RPL30: variants seen among roughly 807,000 people sequenced by gnomAD.
RPL30 encodes the protein large ribosomal subunit protein eL30.
For missense variants in RPL30, 60 were observed against 138.0 expected (o/e 0.43, Z 2.83); for synonymous variants, 40 against 50.4 (o/e 0.79, Z 0.87).
In RPL30 at chr8:98,045,005, C is replaced by T. The variant is rs1814450063; in HGVS notation, c.105G>A (p.Leu35=). 1 of 1,614,160 alleles carries T rather than the reference C, an allele frequency of 6.2e-7. No homozygotes were observed. The highest frequency in any genetic ancestry group is 1.1e-5 in the South Asian group (1 of 91,086). The part of the protein sequence containing the change: ...GKYVLGYKQT[L]KMIRQGKAKL... ...TCGCTTTGCCTTGTCTGATCATCTT[C>T]AGAGTCTGCTTGTACCCCAGGACGT... is the stretch of plus-strand genomic sequence containing the variant. The change falls in exon 3 of 5, where the codon CTG becomes CTA. Residue 35 remains leucine, a synonymous_variant. Transcript: ENST00000287038.
intron 4 of RPL30, chr8:98,042,351 A>C: frequency 2.3e-6 from 1 of 427,774 alleles, no homozygotes. Context: ...TTGCCAGATT[A>C]TTCTCTCCTT....
intron 4 of RPL30, 63 bp from the exon 5 acceptor site, chr8:98,041,913 A>C (rs1814383102): frequency 8.3e-7 from 1 of 1,198,670 alleles, no homozygotes; most frequent in South Asian, 1.3e-5. Context: ...TGGTACCATA[A>C]AATTTCTCTA....
rs1437290900 is a variant in RPL30 at position 98,044,930 on chromosome 8, T to G, written c.167+13A>C. Reference sequence around the variant, plus strand: ...TTCGCGGTAGGCGAAGCCCGTTCAGTCTCTTCGATTACCTCAAAGCTGGGC... The same window carrying G: ...TTCGCGGTAGGCGAAGCCCGTTCAGGCTCTTCGATTACCTCAAAGCTGGGC... On this transcript the variant is annotated intron_variant, in intron 3 of 4. Transcript: ENST00000287038. The G allele has an allele frequency of 3.7e-6, 6 of 1,608,236 alleles. No individual in the cohort carries two copies. Among genetic ancestry groups the G allele is most frequent in the Non-Finnish European group, 5.1e-6 (6 of 1,176,638 alleles).
chr8:98,044,286 C>T (rs1004864806), intron 3 of RPL30: 5 of 152,274 alleles, frequency 3.3e-5, no homozygotes, highest in Admixed American at 3.3e-4. Flanking sequence ...AAGCCGAACC[C>T]ATGGGACAAG....
chr8:98,042,454 A>T (rs1274878829), intron 4 of RPL30, 191 bp downstream of exon 4: 1 of 562,604 alleles, frequency 1.8e-6, no homozygotes, highest in Non-Finnish European at 3.1e-6. Context: ...TTAACTTATA[A>T]TAAAGCCAAT....
chr8:98,044,911 G>T (rs1454269557), intron 3 of RPL30, 32 bp downstream of exon 3: 1 of 1,604,252 alleles, frequency 6.2e-7, no homozygotes, highest in East Asian at 2.2e-5. Context: ...TGAATTCGCG[G>T]TAGGCGAAGC....
At chr8:98,042,542 C>T in intron 4 of RPL30, 103 bp downstream of exon 4, 1 of 1,132,776 alleles carries the variant, frequency 8.8e-7, no homozygotes, top group Admixed American at 2.2e-5. Flanking sequence ...CATATTCTAT[C>T]TGAATTTAGG....
At chr8:98,044,010 G>A (rs1345808980) in intron 3 of RPL30, 1 of 152,320 alleles carries the variant, frequency 6.6e-6, no homozygotes, top group Non-Finnish European at 1.5e-5. Context: ...CTACTCGGGA[G>A]GGTGAGGCAG....
Position 98,045,080 on chromosome 8 carries a change from C to A in RPL30, c.30G>T (p.Ser10=), listed in dbSNP as rs139147126. The A allele has an allele frequency of 2.0e-5, 32 of 1,613,596 alleles. No homozygotes were observed. The African/African-American group carries it at 3.7e-4, about 19-fold the overall frequency. MVAAKKTKK[S]LESINSRLQL... is the part of the protein sequence containing the mutation. ...GGAGCCTAGAGTTGATCGACTCCAG[C>A]GACTTTTTCTACAAAGCAAACATTA... Residue 10 remains serine, a synonymous_variant, in exon 3 of 5, where the codon TCG becomes TCT. Transcript: ENST00000287038.
intron 3 of RPL30, chr8:98,043,083 G>A (rs560937548): frequency 1.2e-4 from 22 of 190,360 alleles, no homozygotes; most frequent in Non-Finnish European, 1.7e-4. Context: ...CATTAGTAAG[G>A]ACCACATACT....
intron 4 of RPL30, 194 bp from the exon 5 acceptor site, chr8:98,042,044 A>G (rs1167430687): frequency 4.2e-6 from 3 of 716,732 alleles, no homozygotes; most frequent in Non-Finnish European, 7.6e-6. Context: ...CTAGAATCAC[A>G]GCCATTATAT....
chr8:98,045,374 G>C lies in RPL30; in HGVS notation c.-7C>G. On this transcript the variant is annotated 5_prime_UTR_variant, in exon 2 of 5. Coordinates refer to ENST00000287038, the MANE Select transcript of RPL30 (RefSeq NM_000989.4). ...TCTTCTTTGCGGCCACCATCTTCCTGCCTTAGGAGCGGGACGGCCCCCAAC... is the reference window on the plus strand; with the variant it reads ...TCTTCTTTGCGGCCACCATCTTCCTCCCTTAGGAGCGGGACGGCCCCCAAC... The C allele has an allele frequency of 1.9e-6, 3 of 1,614,150 alleles. No individual in the cohort carries two copies. The highest frequency in any genetic ancestry group is 2.5e-6 in the Non-Finnish European group (3 of 1,180,018).
intron 3 of RPL30, 165 bp downstream of exon 3, chr8:98,044,778 G>A: frequency 1.4e-6 from 1 of 693,090 alleles, no homozygotes; most frequent in Non-Finnish European, 2.4e-6. Flanking sequence ...CACGATTTGG[G>A]GGTGGGTCGG....
At position 98,041,726 on chromosome 8, in the gene RPL30, A is replaced by T; in HGVS notation, c.*75T>A. The T allele has an allele frequency of 1.0e-6, 1 of 981,338 alleles. No individual in the cohort carries two copies. Among genetic ancestry groups the T allele is most frequent in the Non-Finnish European group, 1.6e-6 (1 of 626,030 alleles). 60.8% of individuals were successfully genotyped at this position (981,338 alleles called of 1,614,324 possible). A position where few individuals can be genotyped will look rare whatever the true frequency, so the allele number is the denominator to read the frequency against. ...ATACTGAAATAGATACAATGTTTTT[A>T]AAACAAGCAAATTTTATTAAAGGAA... On this transcript the variant is annotated 3_prime_UTR_variant, in exon 5 of 5. Transcript: ENST00000287038.
At chr8:98,042,260 G>A (rs965470950) in intron 4 of RPL30, 2 of 508,826 alleles carry the variant, frequency 3.9e-6, no homozygotes, top group Non-Finnish European at 7.5e-6. Flanking sequence ...ACAGAATGAT[G>A]TAGATTTTTT....
At chr8:98,044,440 C>G (rs183809516) in intron 3 of RPL30, 1 of 154,600 alleles carries the variant, frequency 6.5e-6, no homozygotes, top group South Asian at 1.9e-4. Context: ...TTTACAACAC[C>G]CCCTAAGTTC....
In RPL30 at chr8:98,043,076, T is replaced by C. The variant is rs114368687; in HGVS notation, c.168-301A>G. 1,671 of 205,098 alleles carry C rather than the reference T, an allele frequency of 8.1e-3. 18 individuals carry two copies. The highest frequency in any genetic ancestry group is 0.036 in the African/African-American group (1,540 of 43,228). 12.7% of individuals were successfully genotyped at this position (205,098 alleles called of 1,614,324 possible). ...AAGAAAGCAAAGCATTATCTAGCATTAGTAAGGACCACATACTTTATATTT... is the reference window on the plus strand; with the variant it reads ...AAGAAAGCAAAGCATTATCTAGCATCAGTAAGGACCACATACTTTATATTT... On this transcript the variant is annotated intron_variant, in intron 3 of 4. Coordinates refer to ENST00000287038, the MANE Select transcript of RPL30 (RefSeq NM_000989.4).
In RPL30 at chr8:98,041,777, G is replaced by A. The variant is rs1222504746; in HGVS notation, c.*24C>T. The A allele has an allele frequency of 1.3e-6, 2 of 1,565,968 alleles. No homozygotes were observed. Among genetic ancestry groups the A allele is most frequent in the African/African-American group, 1.4e-5 (1 of 73,010 alleles). On this transcript the variant is annotated 3_prime_UTR_variant, in exon 5 of 5. Coordinates refer to ENST00000287038, the MANE Select transcript of RPL30 (RefSeq NM_000989.4). ...AATTTTGCAGGTTTAAGGTTTGCAG[G>A]TGAAATTTTGTAGGTGAAAAGGTTT...
At chr8:98,044,656 C>T in intron 3 of RPL30, 1 of 361,270 alleles carries the variant, frequency 2.8e-6, no homozygotes, top group Non-Finnish European at 5.0e-6. Context: ...ACACAAAATA[C>T]ATGGAAAAAA....
Sources: gnomAD v4.1 joint callset for allele counts on GRCh38, gnomAD v4.1.1 for gene constraint, MANE v1.5 for transcripts, NCBI Gene and HGNC (gene_info 2026-07-23, HGNC 2026-07-21) for gene names.